CRACR2A: variants seen among roughly 807,000 people sequenced by gnomAD.
The protein encoded by CRACR2A is EF-hand calcium-binding domain-containing protein 4B.
In CRACR2A, 79 loss-of-function variants were observed where a neutral mutation model predicts 90.5. The ratio of observed to expected loss-of-function variants is 0.87; its 90% confidence interval spans 0.73 to 1.05. CRACR2A has a LOEUF of 1.05. Ranked by LOEUF, CRACR2A falls within the 50% of genes least tolerant of loss-of-function variation. The pLI is 0.00. For missense variants in CRACR2A, 823 were observed against 897.2 expected, an observed-to-expected ratio of 0.92 and a Z score of 1.06; for synonymous variants, 338 against 356.7, an observed-to-expected ratio of 0.95 and a Z score of 0.59.
chr12:3,627,501 C>T lies in CRACR2A; in HGVS notation c.1867G>A (p.Val623Ile), dbSNP rs752776321. The change falls in exon 17 of 20, where the codon GTC becomes ATC. Residue 623 changes from valine to isoleucine, a missense_variant. Coordinates refer to ENST00000440314, the MANE Select transcript of CRACR2A (RefSeq NM_001144958.2). ...QFFRKADGVI[V>I]MYDLTDKQSF... ...TGCTTGTCTGTGAGATCGTACATGA[C>T]GATGACACCATCTGCCTTTCTGAAG... is the stretch of plus-strand genomic sequence containing the variant. 24 of 1,551,722 alleles carry T rather than the reference C, an allele frequency of 1.5e-5. No individual in the cohort carries two copies. The highest frequency in any genetic ancestry group is 1.8e-5 in the Non-Finnish European group (21 of 1,147,058).
chr12:3,684,905 G>A (rs969360278), intron 4 of CRACR2A, among the ~76,000 whole-genome samples: 5 of 152,238 alleles, frequency 3.3e-5, no homozygotes, highest in Middle Eastern at 3.2e-3. Context: ...GCAAGGGAGA[G>A]CGGGCCACGC....
intron 4 of CRACR2A, among the ~76,000 whole-genome samples, chr12:3,688,497 G>A (rs879911405): frequency 6.6e-6 from 1 of 152,176 alleles, no homozygotes; most frequent in Non-Finnish European, 1.5e-5. Context: ...TCAGATGGTT[G>A]TGGGTGTGCA....
In CRACR2A at chr12:3,680,554, G is replaced by C. The variant is rs551265659; in HGVS notation, c.229-205C>G. On this transcript the variant is annotated intron_variant, in intron 4 of 19. Coordinates refer to ENST00000440314, the MANE Select transcript of CRACR2A (RefSeq NM_001144958.2). Reference sequence around the variant, plus strand: ...CAACTACCATTGATTGGGTGCCTACGAATGTACTAGGCCATTTGCTAGGTG... The same window carrying C: ...CAACTACCATTGATTGGGTGCCTACCAATGTACTAGGCCATTTGCTAGGTG... Among the ~76,000 whole-genome samples, 3 of 152,304 alleles carry C rather than the reference G, an allele frequency of 2.0e-5. No individual in the cohort carries two copies. The South Asian group carries it at 6.2e-4, about 32-fold the overall frequency.
At chr12:3,745,958 G>A (rs1396737312) in intron 1 of CRACR2A, among the ~76,000 whole-genome samples, 4 of 151,788 alleles carry the variant, frequency 2.6e-5, no homozygotes, top group East Asian at 1.9e-4. Flanking sequence ...TCTCCCTCCC[G>A]CTGACCTCCC....
At chr12:3,620,980 C>A (rs1386206144) in intron 17 of CRACR2A, among the ~76,000 whole-genome samples, 1 of 152,228 alleles carries the variant, frequency 6.6e-6, no homozygotes, top group Non-Finnish European at 1.5e-5. Flanking sequence ...ACACCCCCTC[C>A]TCTGACCGTG....
intron 12 of CRACR2A, among the ~76,000 whole-genome samples, chr12:3,643,831 AAT>A (rs1313833551): frequency 1.5e-4 from 12 of 81,254 alleles, no homozygotes; most frequent in East Asian, 6.3e-4. Context: ...ATTATATATA[AAT>A]ATATATAATA....
chr12:3,662,983 A>G (rs559630161), intron 7 of CRACR2A, among the ~76,000 whole-genome samples: 1 of 152,312 alleles, frequency 6.6e-6, no homozygotes, highest in East Asian at 1.9e-4. Flanking sequence ...CTTCTCTGTG[A>G]AGATTTTGCC....
chr12:3,643,863 A>ATATAT (rs1555107850), intron 12 of CRACR2A, among the ~76,000 whole-genome samples: 7 of 90,970 alleles, frequency 7.7e-5, no homozygotes, highest in South Asian at 3.1e-4. Flanking sequence ...TATTTATATT[A>ATATAT]TATATATTAT....
At chr12:3,693,819 G>C (rs768952861) in intron 4 of CRACR2A, among the ~76,000 whole-genome samples, 3 of 152,062 alleles carry the variant, frequency 2.0e-5, no homozygotes, top group Non-Finnish European at 4.4e-5. Context: ...TATCTTACTG[G>C]GGTTCTTTGC....
chr12:3,710,664 G>A (rs182926570), intron 3 of CRACR2A, among the ~76,000 whole-genome samples: 124 of 152,082 alleles, frequency 8.2e-4, no homozygotes, highest in Non-Finnish European at 1.2e-3. Context: ...ATAGTGATGC[G>A]TGCCTGTAAT....
intron 7 of CRACR2A, among the ~76,000 whole-genome samples, chr12:3,668,348 T>A (rs1461749242): frequency 6.6e-6 from 1 of 152,158 alleles, no homozygotes; most frequent in Non-Finnish European, 1.5e-5. Flanking sequence ...CCTGCCTGTA[T>A]CAGAACCGCC....
intron 3 of CRACR2A, among the ~76,000 whole-genome samples, chr12:3,699,427 A>C (rs1181226418): frequency 1.3e-5 from 2 of 152,192 alleles, no homozygotes; most frequent in Admixed American, 6.5e-5. Context: ...AGTCTCTGAG[A>C]GTCCCTAATG....
At chr12:3,697,134 C>T in intron 3 of CRACR2A, 99 bp from the exon 4 acceptor site, 1 of 1,378,460 alleles carries the variant, frequency 7.3e-7, no homozygotes, top group East Asian at 2.5e-5. Context: ...AGCCATACAC[C>T]AGTGTGTCCA....
intron 3 of CRACR2A, among the ~76,000 whole-genome samples, chr12:3,698,915 T>A (rs1185918945): frequency 1.3e-5 from 2 of 152,176 alleles, no homozygotes; most frequent in East Asian, 3.9e-4. Flanking sequence ...TTGCCGGGAC[T>A]CTGTCTGCAA....
chr12:3,687,187 C>CTTT (rs79317818), intron 4 of CRACR2A, among the ~76,000 whole-genome samples: 7 of 137,618 alleles, frequency 5.1e-5, no homozygotes, highest in Non-Finnish European at 9.6e-5. Flanking sequence ...ATCCCATTTT[C>CTTT]TTTTTTTTTT....
At chr12:3,722,339 C>T (rs1946195124) in intron 2 of CRACR2A, among the ~76,000 whole-genome samples, 1 of 152,176 alleles carries the variant, frequency 6.6e-6, no homozygotes, top group African/African-American at 2.4e-5. Context: ...TTAATTGACC[C>T]TACCTATAAC....
chr12:3,700,608 C>G (rs899212189), intron 3 of CRACR2A, among the ~76,000 whole-genome samples: 1 of 152,096 alleles, frequency 6.6e-6, no homozygotes, highest in Non-Finnish European at 1.5e-5. Flanking sequence ...AGGATATTAG[C>G]GGGAATTAAA....
intron 11 of CRACR2A, among the ~76,000 whole-genome samples, chr12:3,645,532 G>A (rs563556848): frequency 6.6e-6 from 1 of 152,302 alleles, no homozygotes; most frequent in Non-Finnish European, 1.5e-5. Context: ...GAAGCAGATG[G>A]CAAAGAAGTG....
chr12:3,679,974 A>G (rs1945415225), intron 5 of CRACR2A, among the ~76,000 whole-genome samples: 1 of 152,184 alleles, frequency 6.6e-6, no homozygotes, highest in Non-Finnish European at 1.5e-5. Context: ...GCTTCCGTCC[A>G]TCTCCCTTGC....
Sources: allele counts gnomAD v4.1 joint callset (sites outside exome capture counted in the v4.1 genomes callset), GRCh38; gene constraint gnomAD v4.1.1; transcripts MANE v1.5; gene names NCBI Gene and HGNC (gene_info 2026-07-23, HGNC 2026-07-21).